Variants in ZNF546 observed in about 807,000 individuals in gnomAD.
The protein encoded by ZNF546 is CTC-471F3.6.
Under a neutral mutation model 76.2 loss-of-function variants are expected in ZNF546, and 60 were observed. That is an observed-to-expected ratio of 0.79 (90% CI 0.64 to 0.98). The LOEUF is 0.98. Among genes scored for constraint, ZNF546 ranks in the 50% least tolerant of loss-of-function variants. ZNF546 has a pLI of 0.00. For missense variants in ZNF546, 936 were observed against 1,035.6 expected (o/e 0.90, Z 1.32); for synonymous variants, 277 against 328.1 (o/e 0.84, Z 1.68).
chr19:40,004,648 A>C (rs1281328823), intron 3 of ZNF546, among the ~76,000 whole-genome samples: 1 of 152,188 alleles, frequency 6.6e-6, no homozygotes, highest in Non-Finnish European at 1.5e-5. Flanking sequence ...GCTGACATAT[A>C]GATATATACA....
chr19:40,019,364 ACT>A lies in ZNF546; in HGVS notation c.*3585_*3586del, dbSNP rs1363343909. ...TGTTAAAAGAATGAAGAAGCATTAA[ACT>A]CAAGAAACTAAGGGAAAAATAAGTC... On this transcript the variant is annotated 3_prime_UTR_variant, in exon 7 of 7. Transcript: ENST00000347077. 4 of 152,324 alleles carry A rather than the reference ACT, an allele frequency of 2.6e-5. No homozygotes were observed. Among genetic ancestry groups the A allele is most frequent in the African/African-American group, 9.6e-5 (4 of 41,582 alleles). 9.4% of individuals were successfully genotyped at this position (152,324 alleles called of 1,614,324 possible).
At chr19:40,004,062 A>ATAATATATAAATATATATATAACTATAT (rs1971567001) in intron 3 of ZNF546, among the ~76,000 whole-genome samples, 1 of 132,222 alleles carries the variant, frequency 7.6e-6, no homozygotes, top group Admixed American at 7.2e-5. Flanking sequence ...GTATTTATAT[A>ATAATATATAAATATATATATAACTATAT]TAATATATAA....
In ZNF546 at chr19:40,015,431, T is replaced by C. The variant is rs777276520; in HGVS notation, c.2161T>C (p.Tyr721His). 3.3e-5 allele frequency: 54 copies of C among 1,614,094 alleles called. No homozygotes were observed. Among genetic ancestry groups the C allele is most frequent in the Non-Finnish European group, 4.3e-5 (51 of 1,180,038 alleles). ...HQRIHTGELP[Y>H]ECKECGKTFS... ...AAGAATTCACACTGGTGAGCTTCCATATGAATGTAAGGAATGTGGAAAGAC... is the reference window on the plus strand; with the variant it reads ...AAGAATTCACACTGGTGAGCTTCCACATGAATGTAAGGAATGTGGAAAGAC... The change falls in exon 7 of 7, where the codon TAT (tyrosine) becomes CAT (histidine). Residue 721 changes from tyrosine (Y) to histidine (H), a missense_variant. Coordinates refer to ENST00000347077, the MANE Select transcript of ZNF546 (RefSeq NM_178544.5).
At chr19:40,006,259 C>T in intron 4 of ZNF546, 77 bp downstream of exon 4, 2 of 1,351,906 alleles carry the variant, frequency 1.5e-6, no homozygotes, top group Middle Eastern at 1.9e-4. Context: ...TATCTTGAGA[C>T]TTCCTTCCTA....
chr19:40,001,669 G>T (rs1216097983), intron 3 of ZNF546, among the ~76,000 whole-genome samples: 2 of 152,124 alleles, frequency 1.3e-5, no homozygotes, highest in Non-Finnish European at 2.9e-5. Context: ...ACCAAGAAGA[G>T]ATTTCTTGAT....
At chr19:40,008,725 A>C (rs1971637233) in intron 6 of ZNF546, among the ~76,000 whole-genome samples, 160 bp downstream of exon 6, 1 of 152,204 alleles carries the variant, frequency 6.6e-6, no homozygotes, top group African/African-American at 2.4e-5. Context: ...TTCTCTCTAC[A>C]TTAGCTACCA....
intron 1 of ZNF546, chr19:39,997,385 G>A (rs1971467855): frequency 6.5e-6 from 1 of 153,192 alleles, no homozygotes; most frequent in African/African-American, 2.4e-5. Context: ...GGGTGTGGGT[G>A]CGGGTGTGAG....
rs1220392273 is a variant in ZNF546 at position 40,015,659 on chromosome 19, A to C, written c.2389A>C (p.Arg797=). The C allele has an allele frequency of 1.2e-6, 2 of 1,614,234 alleles. No individual in the cohort carries two copies. The highest frequency in any genetic ancestry group is 4.5e-5 in the East Asian group (2 of 44,884). ...SVNSELTRHH[R]IHTGEKPYQC... ...TAATTCAGAACTTACTCGACATCAC[A>C]GAATTCATACTGGTGAAAAACCCTA... The change falls in exon 7 of 7, where the codon AGA becomes CGA. Residue 797 remains arginine, a synonymous_variant. Transcript: ENST00000347077.
chr19:40,014,468 C>A lies in ZNF546; in HGVS notation c.1198C>A (p.Leu400Ile). The A allele has an allele frequency of 6.2e-7, 1 of 1,613,672 alleles. No homozygotes were observed. Among genetic ancestry groups the A allele is most frequent in the Non-Finnish European group, 8.5e-7 (1 of 1,179,874 alleles). ...GAAGGCCTTTAGTCATGGCTCATAC[C>A]TTGTTCAACATCAGAAAATTCATAC... ...CGKAFSHGSYLVQHQKIHTGE... is the reference protein window; with the variant it reads ...CGKAFSHGSYIVQHQKIHTGE... The change falls in exon 7 of 7, where the codon CTT (leucine) becomes ATT (isoleucine). Residue 400 changes from leucine (L) to isoleucine (I), a missense_variant. By Grantham distance (5) the Leu-to-Ile change is conservative (BLOSUM62 2). Transcript: ENST00000347077.
chr19:40,004,062 ATAATATATAAATATATATATAACTATAT>A (rs1971567001), intron 3 of ZNF546, among the ~76,000 whole-genome samples: 1 of 132,222 alleles, frequency 7.6e-6, no homozygotes, highest in African/African-American at 3.6e-5. Flanking sequence ...GTATTTATAT[ATAATATATAAATATATATATAACTATAT>A]TAATATATAA....
intron 3 of ZNF546, among the ~76,000 whole-genome samples, chr19:40,002,424 A>G (rs1812419709): frequency 6.6e-6 from 1 of 152,244 alleles, no homozygotes. Flanking sequence ...GTTAGTAATC[A>G]GAGGAATACA....
At chr19:40,003,869 G>A (rs899144435) in intron 3 of ZNF546, among the ~76,000 whole-genome samples, 12 of 151,528 alleles carry the variant, frequency 7.9e-5, no homozygotes, top group African/African-American at 2.7e-4. Context: ...AAAATTAGCC[G>A]GGCGCAGTGG....
chr19:40,014,880 A>G lies in ZNF546; in HGVS notation c.1610A>G (p.Gln537Arg). ...GAATGTGGAAAAGCCTTTCGTCTTC[A>G]AGGAGAACTTACCCGACATCACAGA... ...CNECGKAFRL[Q>R]GELTRHHRIH... The change falls in exon 7 of 7, where the codon CAA (glutamine) becomes CGA (arginine). Residue 537 changes from glutamine (Q) to arginine (R), a missense_variant. Transcript: ENST00000347077. 2 of 1,613,854 alleles carry G rather than the reference A, an allele frequency of 1.2e-6. No individual in the cohort carries two copies. The highest frequency in any genetic ancestry group is 2.2e-5 in the South Asian group (2 of 91,070).
Position 40,014,455 on chromosome 19 carries a change from T to G in ZNF546, c.1185T>G (p.Ser395Arg). Residue 395 changes from serine to arginine, a missense_variant, in exon 7 of 7, where the codon AGT (serine) becomes AGG (arginine). By Grantham distance (110) the Ser-to-Arg change is moderately radical (BLOSUM62 -1). Transcript: ENST00000347077. Reference sequence around the variant, plus strand: ...GTAATGAATGTGGGAAGGCCTTTAGTCATGGCTCATACCTTGTTCAACATC... The same window carrying G: ...GTAATGAATGTGGGAAGGCCTTTAGGCATGGCTCATACCTTGTTCAACATC... The part of the protein sequence containing the change: ...YKCNECGKAF[S>R]HGSYLVQHQK... 3 of 1,614,090 alleles carry G rather than the reference T, an allele frequency of 1.9e-6. No homozygotes were observed. Among genetic ancestry groups the G allele is most frequent in the Non-Finnish European group, 2.5e-6 (3 of 1,179,998 alleles).
In ZNF546 at chr19:40,018,893, G is replaced by A. The variant is rs1282974276; in HGVS notation, c.*3112G>A. 1 of 152,284 alleles carries A rather than the reference G, an allele frequency of 6.6e-6. No individual in the cohort carries two copies. The highest frequency in any genetic ancestry group is 2.4e-5 in the African/African-American group (1 of 41,468). 9.4% of individuals were successfully genotyped at this position (152,284 alleles called of 1,614,324 possible). ...GGAGCAGAGAAAAGCTTTCCCCCAT[G>A]AGCCTGCCCAAATTGCAGATTTACG... is the stretch of plus-strand genomic sequence containing the variant. On this transcript the variant is annotated 3_prime_UTR_variant, in exon 7 of 7. Transcript: ENST00000347077.
chr19:40,012,928 C>T (rs1187544698), intron 6 of ZNF546, among the ~76,000 whole-genome samples: 1 of 151,996 alleles, frequency 6.6e-6, no homozygotes, highest in African/African-American at 2.4e-5. Flanking sequence ...ATTCTCCTGC[C>T]TCAGCCTCCC....
chr19:40,000,615 C>CAAAAAAAAAAAA (rs550470156), intron 3 of ZNF546, among the ~76,000 whole-genome samples: 9 of 56,482 alleles, frequency 1.6e-4, no homozygotes, highest in South Asian at 5.8e-4. Flanking sequence ...GACTCTGTCT[C>CAAAAAAAAAAAA]AAAAAAAAAA....
intron 3 of ZNF546, among the ~76,000 whole-genome samples, chr19:39,998,972 C>T (rs1971492036): frequency 6.6e-6 from 1 of 152,070 alleles, no homozygotes; most frequent in South Asian, 2.1e-4. Context: ...AGGGTTTCAC[C>T]ACGTTGGCCA....
chr19:40,015,210 T>G lies in ZNF546; in HGVS notation c.1940T>G (p.Ile647Ser). ...YKCTECGKAF[I>S]RSTHLTQHHR... ...TGTACAGAATGTGGGAAGGCCTTTA[T>G]TCGTAGCACTCATCTCACGCAACAT... The change falls in exon 7 of 7, where the codon ATT becomes AGT. Residue 647 changes from isoleucine to serine, a missense_variant. Transcript: ENST00000347077. 17 of 1,612,856 alleles carry G rather than the reference T, an allele frequency of 1.1e-5. No individual in the cohort carries two copies. The highest frequency in any genetic ancestry group is 1.4e-5 in the Non-Finnish European group (17 of 1,179,688).
Sources: allele counts gnomAD v4.1 joint callset (sites outside exome capture counted in the v4.1 genomes callset), GRCh38; gene constraint gnomAD v4.1.1; transcripts MANE v1.5; gene names NCBI Gene and HGNC (gene_info 2026-07-23, HGNC 2026-07-21).